PDSS1: variants seen among roughly 807,000 people sequenced by gnomAD.
The protein encoded by PDSS1 is all trans-polyprenyl-diphosphate synthase PDSS1.
In PDSS1, 43 loss-of-function variants were observed where a neutral mutation model predicts 57.5. That is an observed-to-expected ratio of 0.75 (90% CI 0.59 to 0.96). The LOEUF is 0.96. Among genes scored for constraint, PDSS1 ranks in the 50% least tolerant of loss-of-function variants. The probability of loss-of-function intolerance (pLI) is 0.00; values close to 1 mark genes in which losing one functional copy is unlikely to be tolerated. For synonymous variants in PDSS1, 175 were observed against 191.3 expected (o/e 0.91, Z 0.70); for missense variants, 438 against 527.8 (o/e 0.83, Z 1.67).
intron 8 of PDSS1, among the ~76,000 whole-genome samples, chr10:26,733,979 A>G (rs1314789692): frequency 1.3e-5 from 2 of 152,206 alleles, no homozygotes; most frequent in Non-Finnish European, 2.9e-5. Flanking sequence ...ATTTCTAAAA[A>G]GAGATAATAA....
chr10:26,703,924 A>T (rs1381877139), intron 2 of PDSS1, among the ~76,000 whole-genome samples: 2 of 151,824 alleles, frequency 1.3e-5, no homozygotes, highest in African/African-American at 4.8e-5. Flanking sequence ...TACTAAAAAT[A>T]CAAAAAATTA....
At chr10:26,702,326 T>C (rs922895233) in intron 2 of PDSS1, 132 bp downstream of exon 2, 7 of 328,190 alleles carry the variant, frequency 2.1e-5, no homozygotes, top group African/African-American at 8.6e-5. Context: ...CAGAACGATA[T>C]GGTTGGTTCT....
intron 4 of PDSS1, 96 bp from the exon 5 acceptor site, chr10:26,709,542 C>G: frequency 7.9e-7 from 1 of 1,268,632 alleles, no homozygotes; most frequent in Non-Finnish European, 1.1e-6. Context: ...GTCTGGGCAA[C>G]AAGAGCGAAA....
intron 10 of PDSS1, among the ~76,000 whole-genome samples, chr10:26,739,530 T>C (rs925082199): frequency 1.3e-5 from 2 of 152,188 alleles, no homozygotes; most frequent in African/African-American, 4.8e-5. Context: ...TCTCAATGCT[T>C]TTTATAGTAA....
chr10:26,702,277 T>G (rs1835077063), intron 2 of PDSS1, 83 bp downstream of exon 2: 1 of 384,124 alleles, frequency 2.6e-6, no homozygotes, highest in African/African-American at 2.1e-5. Context: ...ATGATTGGTT[T>G]TGAAAAATGA....
chr10:26,721,883 A>G (rs1431287588), intron 6 of PDSS1, among the ~76,000 whole-genome samples: 1 of 152,202 alleles, frequency 6.6e-6, no homozygotes, highest in Non-Finnish European at 1.5e-5. Flanking sequence ...TCTGACAGCC[A>G]TCTGCTTAGC....
Position 26,697,855 on chromosome 10 carries a change from C to A in PDSS1, c.129+15C>A, listed in dbSNP as rs890568264. ...TCCGCGCGCAGGTGAGGTTGGGAGG[C>A]GCGCGCCCGGCGGGGCTCAGAGGTC... On this transcript the variant is annotated intron_variant, in intron 1 of 11. Transcript: ENST00000376215. 3.1e-6 allele frequency: 4 copies of A among 1,307,744 alleles called. No individual in the cohort carries two copies. The African/African-American group carries it at 4.6e-5, about 15-fold the overall frequency. The allele number at this position is 1,307,744 out of a possible 1,614,324, so 81.0% of individuals were successfully genotyped here.
intron 4 of PDSS1, among the ~76,000 whole-genome samples, chr10:26,709,038 C>T (rs888230055): frequency 1.3e-5 from 2 of 152,056 alleles, no homozygotes; most frequent in Non-Finnish European, 2.9e-5. Context: ...CTAGTGCTTT[C>T]TTCCACCTCC....
chr10:26,708,514 G>A (rs746818603), intron 4 of PDSS1, among the ~76,000 whole-genome samples: 16 of 152,064 alleles, frequency 1.1e-4, no homozygotes, highest in Non-Finnish European at 1.9e-4. Flanking sequence ...CACTGTATTC[G>A]TCATTGATTG....
intron 4 of PDSS1, among the ~76,000 whole-genome samples, chr10:26,707,156 T>C (rs1835258666): frequency 6.6e-6 from 1 of 152,126 alleles, no homozygotes; most frequent in Non-Finnish European, 1.5e-5. Context: ...ATGCTCAGTG[T>C]GTTTACCGGA....
At chr10:26,708,387 T>C (rs1434899685) in intron 4 of PDSS1, among the ~76,000 whole-genome samples, 1 of 152,218 alleles carries the variant, frequency 6.6e-6, no homozygotes, top group Non-Finnish European at 1.5e-5. Context: ...TGTTTAGGCT[T>C]CTAATCCCAC....
chr10:26,698,287 C>G (rs921073739), intron 1 of PDSS1, among the ~76,000 whole-genome samples: 1 of 152,082 alleles, frequency 6.6e-6, no homozygotes, highest in South Asian at 2.1e-4. Flanking sequence ...AACGGAGGAT[C>G]GAATCGGCCT....
intron 8 of PDSS1, among the ~76,000 whole-genome samples, chr10:26,731,002 T>A (rs571688357): frequency 3.3e-5 from 5 of 150,842 alleles, no homozygotes; most frequent in South Asian, 2.1e-4. Context: ...AGGTCAGGAG[T>A]TCGAGACCAG....
intron 8 of PDSS1, among the ~76,000 whole-genome samples, chr10:26,733,901 G>A (rs755052728): frequency 8.5e-5 from 13 of 152,228 alleles, no homozygotes; most frequent in Non-Finnish European, 1.8e-4. Context: ...TTGAGCCCAG[G>A]AGTTCAAGGT....
intron 1 of PDSS1, among the ~76,000 whole-genome samples, 189 bp downstream of exon 1, chr10:26,698,029 G>C (rs1480515563): frequency 6.6e-6 from 1 of 151,984 alleles, no homozygotes; most frequent in African/African-American, 2.4e-5. Context: ...CCGCGCGTTG[G>C]ACTGAAGTAG....
intron 5 of PDSS1, among the ~76,000 whole-genome samples, chr10:26,719,022 A>C (rs1483596461): frequency 6.6e-6 from 1 of 152,160 alleles, no homozygotes; most frequent in Non-Finnish European, 1.5e-5. Flanking sequence ...TGGAATGAGC[A>C]TTACCTTGTG....
chr10:26,727,662 C>T (rs1399696951), intron 8 of PDSS1, among the ~76,000 whole-genome samples: 1 of 151,270 alleles, frequency 6.6e-6, no homozygotes. Flanking sequence ...CATGCCACAC[C>T]TGGCCTCTTT....
intron 8 of PDSS1, among the ~76,000 whole-genome samples, chr10:26,727,181 A>G (rs1056710928): frequency 6.6e-6 from 1 of 152,186 alleles, no homozygotes; most frequent in Non-Finnish European, 1.5e-5. Flanking sequence ...TAGTTTACTA[A>G]TAAAGACAGT....
chr10:26,720,452 G>C (rs985371706), intron 6 of PDSS1, 93 bp downstream of exon 6: 1 of 883,428 alleles, frequency 1.1e-6, no homozygotes, highest in Admixed American at 1.7e-5. Flanking sequence ...TTAAAAATAT[G>C]CTTGCTCAAA....
Sources: gnomAD v4.1 joint callset for allele counts (sites outside exome capture counted in the v4.1 genomes callset) on GRCh38, gnomAD v4.1.1 for gene constraint, MANE v1.5 for transcripts, NCBI Gene and HGNC (gene_info 2026-07-23, HGNC 2026-07-21) for gene names.